MET: variants seen among roughly 807,000 people sequenced by gnomAD.
MET encodes MET proto-oncogene, receptor tyrosine kinase.
In MET, 48 loss-of-function variants were observed where a neutral mutation model predicts 133.1. That is an observed-to-expected ratio of 0.36 (90% CI 0.29 to 0.46). MET has a LOEUF of 0.46. MET is among the 20% of genes least tolerant of loss of function. The pLI, the probability that MET is intolerant of heterozygous loss-of-function variation, is 1.00. For synonymous variants in MET, 628 were observed against 616.5 expected (o/e 1.02, Z -0.28); for missense variants, 1,442 against 1,695.9 (o/e 0.85, Z 2.63).
At chr7:116,757,974 T>C in intron 8 of MET, 200 bp downstream of exon 8, 1 of 631,848 alleles carries the variant, frequency 1.6e-6, no homozygotes, top group Middle Eastern at 4.4e-4. Flanking sequence ...TCTTGTTTTT[T>C]AGCAATCCTA....
chr7:116,775,430 G>T (rs144731030), intron 15 of MET, among the ~76,000 whole-genome samples: 2 of 152,220 alleles, frequency 1.3e-5, no homozygotes, highest in South Asian at 2.1e-4. Context: ...AGGGCCAGGC[G>T]CAGTGGCTCA....
At chr7:116,763,323 C>A (rs2116958077) in intron 11 of MET, 55 bp downstream of exon 11, 1 of 1,461,172 alleles carries the variant, frequency 6.8e-7, no homozygotes, top group South Asian at 1.2e-5. Context: ...TAATTGACTT[C>A]ATAGCTATGT....
intron 1 of MET, among the ~76,000 whole-genome samples, chr7:116,680,303 T>C (rs563064505): frequency 1.3e-5 from 2 of 152,348 alleles, no homozygotes; most frequent in South Asian, 4.1e-4. Flanking sequence ...AAATCATATA[T>C]CAGTGTTTTT....
intron 1 of MET, among the ~76,000 whole-genome samples, chr7:116,678,697 A>C (rs1796245335): frequency 1.3e-5 from 2 of 152,176 alleles, no homozygotes; most frequent in Admixed American, 6.5e-5. Context: ...CTTTAAAAAT[A>C]GGTTTTGGCT....
At chr7:116,692,424 C>T (rs1031760756) in intron 1 of MET, among the ~76,000 whole-genome samples, 7 of 152,106 alleles carry the variant, frequency 4.6e-5, no homozygotes, top group South Asian at 2.1e-4. Context: ...CCTGAGGAAT[C>T]GGTGTTTGAA....
At chr7:116,692,177 T>C (rs138248022) in intron 1 of MET, among the ~76,000 whole-genome samples, 37 of 152,314 alleles carry the variant, frequency 2.4e-4, no homozygotes, top group African/African-American at 8.4e-4. Flanking sequence ...TTCTCCTCTT[T>C]GAACCTCAGT....
rs113522915 is a variant in MET at position 116,785,113 on chromosome 7, C to T, written c.3798+1644C>T. On this transcript the variant is annotated intron_variant, in intron 19 of 20. Coordinates refer to ENST00000397752, the MANE Select transcript of MET (RefSeq NM_000245.4). ...GACTCCATGTCTCATATCCAGGGCA[C>T]GCTGATGCAAGGGATGGGCTCCCAA... is the stretch of plus-strand genomic sequence containing the variant. Among the ~76,000 whole-genome samples, 885 of 152,328 alleles carry T rather than the reference C, an allele frequency of 5.8e-3. 5 individuals are homozygous for T. Among genetic ancestry groups the T allele is most frequent in the African/African-American group, 0.02 (817 of 41,574 alleles).
At chr7:116,676,188 T>A (rs778503876) in intron 1 of MET, among the ~76,000 whole-genome samples, 51 of 152,240 alleles carry the variant, frequency 3.3e-4, no homozygotes, top group Non-Finnish European at 5.9e-4. Context: ...TGTGCAAGTA[T>A]GTTTATGTAG....
Position 116,749,901 on chromosome 7 carries a change from A to G in MET, c.1702-5454A>G, listed in dbSNP as rs182963802. 1.6e-4 allele frequency among the ~76,000 whole-genome samples: 25 copies of G among 152,360 alleles called. No homozygotes were observed. In the East Asian group the frequency reaches 4.6e-3, roughly 28 times the overall value. Reference sequence around the variant, plus strand: ...AAAATACCTAGGAATACAACTTACAAGGGATGAAAAGGACCTCTTCAAGAA... The same window carrying G: ...AAAATACCTAGGAATACAACTTACAGGGGATGAAAAGGACCTCTTCAAGAA... On this transcript the variant is annotated intron_variant, in intron 5 of 20. Coordinates refer to ENST00000397752, the MANE Select transcript of MET (RefSeq NM_000245.4).
intron 19 of MET, among the ~76,000 whole-genome samples, chr7:116,789,776 CA>C (rs768338757): frequency 6.6e-6 from 1 of 151,930 alleles, no homozygotes; most frequent in East Asian, 1.9e-4. Context: ...CTTATTGTGG[CA>C]AAAAAATACA....
intron 15 of MET, 53 bp from the exon 16 acceptor site, chr7:116,777,336 T>C: frequency 7.2e-7 from 1 of 1,396,516 alleles, no homozygotes. Flanking sequence ...GATAAATAAT[T>C]ATTTCATAAT....
chr7:116,736,803 A>G (rs905430304), intron 3 of MET, among the ~76,000 whole-genome samples: 1 of 152,216 alleles, frequency 6.6e-6, no homozygotes, highest in Non-Finnish European at 1.5e-5. Flanking sequence ...GAACTCAAAG[A>G]TAATTGTTGG....
intron 1 of MET, among the ~76,000 whole-genome samples, chr7:116,690,895 A>G (rs1386015604): frequency 1.3e-5 from 2 of 152,218 alleles, no homozygotes; most frequent in South Asian, 4.1e-4. Flanking sequence ...ATTCTTCATA[A>G]ACAGTGAGTG....
chr7:116,783,152 T>C, intron 18 of MET, 152 bp from the exon 19 acceptor site: 2 of 816,516 alleles, frequency 2.4e-6, no homozygotes, highest in Non-Finnish European at 4.0e-6. Context: ...TCTGTTGTAA[T>C]TTAGTGTTAG....
intron 15 of MET, among the ~76,000 whole-genome samples, chr7:116,775,387 T>A (rs773645721): frequency 1.3e-5 from 2 of 152,170 alleles, no homozygotes; most frequent in South Asian, 4.1e-4. Context: ...TTATAGTTTC[T>A]TCAAAGGTGC....
In MET at chr7:116,755,431, A is replaced by C; in HGVS notation, c.1778A>C (p.Asn593Thr). Residue 593 changes from asparagine (N) to threonine (T), a missense_variant, in exon 6 of 21, where the codon AAT becomes ACT. Asn to Thr is a moderately conservative substitution (Grantham distance 65). Around this residue, in one of 6 missense-constraint regions of MET, gnomAD observed 762 missense variants for 792.4 expected, o/e 0.96. Transcript: ENST00000397752. ...ICGWDFGFRR[N>T]NKFDLKKTRV... ...GGCTGGGACTTTGGATTTCGGAGGA[A>C]TAATAAATTTGATTTAAAGAAAACT... The C allele has an allele frequency of 6.2e-7, 1 of 1,614,144 alleles. No individual in the cohort carries two copies. The highest frequency in any genetic ancestry group is 8.5e-7 in the Non-Finnish European group (1 of 1,180,004).
chr7:116,723,585 G>A (rs1310082688), intron 2 of MET, among the ~76,000 whole-genome samples: 4 of 152,118 alleles, frequency 2.6e-5, no homozygotes, highest in Non-Finnish European at 5.9e-5. Context: ...CAGTTTTTCT[G>A]TTCTGTTTTT....
At chr7:116,756,738 A>G (rs988513498) in intron 6 of MET, among the ~76,000 whole-genome samples, 2 of 152,228 alleles carry the variant, frequency 1.3e-5, no homozygotes, top group African/African-American at 4.8e-5. Context: ...ACCTGTTGAC[A>G]TACTTTAATG....
At chr7:116,706,908 A>G (rs1489861340) in intron 2 of MET, among the ~76,000 whole-genome samples, 1 of 115,982 alleles carries the variant, frequency 8.6e-6, no homozygotes. Flanking sequence ...TTTTTTTTTT[A>G]AATAGTATAT....
Sources: gnomAD v4.1 joint callset for allele counts (sites outside exome capture counted in the v4.1 genomes callset) on GRCh38, gnomAD v4.1.1 for gene constraint, gnomAD v4.1.1 regional missense constraint, MANE v1.5 for transcripts, NCBI Gene and HGNC (gene_info 2026-07-23, HGNC 2026-07-21) for gene names.